Variants in DAAM2 observed in about 807,000 individuals in gnomAD.
DAAM2 encodes disheveled-associated activator of morphogenesis 2.
A neutral mutation model predicts 120.7 loss-of-function variants in DAAM2; 39 were observed. The observed-to-expected ratio is 0.32, with a 90% CI of 0.25 to 0.42. The LOEUF is 0.42. DAAM2 is among the 10% of genes least tolerant of loss of function. The pLI is 1.00. For missense variants in DAAM2, 1,283 were observed against 1,401.7 expected, an observed-to-expected ratio of 0.92 and a Z score of 1.35; for synonymous variants, 488 against 524.9, an observed-to-expected ratio of 0.93 and a Z score of 0.96.
At position 39,904,754 on chromosome 6, in the gene DAAM2, T is replaced by C. The variant is rs1766727275; in HGVS notation, c.*2717T>C. ...GCCAAGGCTGTTCTCACCAGCTGCC[T>C]CAGATGACAAATGAGGCTAATGGAC... On this transcript the variant is annotated 3_prime_UTR_variant, in exon 25 of 25. Coordinates refer to ENST00000274867, the MANE Select transcript of DAAM2 (RefSeq NM_001201427.2). The C allele has an allele frequency of 4.4e-6, 2 of 454,006 alleles. No individual in the cohort carries two copies. Among genetic ancestry groups the C allele is most frequent in the South Asian group, 1.6e-5 (1 of 64,474 alleles). The allele number at this position is 454,006 out of a possible 1,614,324, so 28.1% of individuals were successfully genotyped here.
intron 15 of DAAM2, chr6:39,884,996 T>TG (rs1562053306): frequency 3.9e-5 from 6 of 152,012 alleles, no homozygotes; most frequent in Non-Finnish European, 8.8e-5. Flanking sequence ...GACTTCTCCC[T>TG]CTTGGGGCTG....
intron 1 of DAAM2, among the ~76,000 whole-genome samples, chr6:39,854,337 G>T (rs1003829380): frequency 2.0e-5 from 3 of 152,168 alleles, no homozygotes; most frequent in African/African-American, 7.2e-5. Context: ...GGCTTTTATT[G>T]GCTATAGAAA....
chr6:39,888,813 C>A (rs556078171), intron 17 of DAAM2, 50 bp downstream of exon 17: 2 of 1,458,228 alleles, frequency 1.4e-6, no homozygotes, highest in South Asian at 2.4e-5. Flanking sequence ...CGGGCAGCCA[C>A]GCCCCTTCCC....
At position 39,878,954 on chromosome 6, in the gene DAAM2, G is replaced by A. The variant is rs954119964; in HGVS notation, c.1546-224G>A. On this transcript the variant is annotated intron_variant, in intron 13 of 24. Transcript: ENST00000274867. This position sits in a 1 kb window ranked among gnomAD's most constrained non-coding sequence, Gnocchi z 5.0. ...CTATGACTCTGATTGTCCAGTGTCC[G>A]TGTGCGTGACGTGTGTGTGTCTGTG... 1.3e-5 allele frequency among the ~76,000 whole-genome samples: 2 copies of A among 152,064 alleles called. No homozygotes were observed. The highest frequency in any genetic ancestry group is 1.9e-4 in the East Asian group (1 of 5,198).
intron 1 of DAAM2, among the ~76,000 whole-genome samples, chr6:39,816,840 G>A (rs913574): frequency 0.54 from 81,879 of 152,084 alleles, 22,216 homozygotes; most frequent in East Asian, 0.62. Context: ...TTCCAGTACC[G>A]TCTCTAGTCC....
intron 1 of DAAM2, among the ~76,000 whole-genome samples, chr6:39,835,114 A>AT (rs1487815997): frequency 3.3e-5 from 5 of 152,166 alleles, no homozygotes; most frequent in Non-Finnish European, 7.3e-5. Flanking sequence ...TCAGGAATGT[A>AT]TTTTGTTCAT....
At chr6:39,883,658 T>C in intron 14 of DAAM2, 1 of 306,024 alleles carries the variant, frequency 3.3e-6, no homozygotes, top group Non-Finnish European at 6.1e-6. Flanking sequence ...TTGGAAAAAG[T>C]GAAGTGGACC....
chr6:39,874,672 T>C (rs1161403783), intron 10 of DAAM2, among the ~76,000 whole-genome samples: 1 of 152,090 alleles, frequency 6.6e-6, no homozygotes, highest in African/African-American at 2.4e-5. Context: ...GGAAAGAGAG[T>C]TTGTGGTTAT....
At chr6:39,877,790 G>T (rs1764930468) in intron 11 of DAAM2, among the ~76,000 whole-genome samples, 1 of 152,180 alleles carries the variant, frequency 6.6e-6, no homozygotes, top group Admixed American at 6.5e-5. Context: ...TGGAAACCTG[G>T]ACCATGGTAG....
At chr6:39,808,708 C>T (rs1379801659) in intron 1 of DAAM2, among the ~76,000 whole-genome samples, 1 of 152,222 alleles carries the variant, frequency 6.6e-6, no homozygotes, top group African/African-American at 2.4e-5. Context: ...TGTGTTGGCC[C>T]TGAGGGCCCT....
In DAAM2 at chr6:39,867,836, G is replaced by A. The variant is rs773713153; in HGVS notation, c.755G>A (p.Arg252His). Residue 252 changes from arginine (R) to histidine (H), a missense_variant, in exon 6 of 25, where the codon CGC (arginine) becomes CAC (histidine). Arg to His is a conservative substitution (Grantham distance 29). Coordinates refer to ENST00000274867, the MANE Select transcript of DAAM2 (RefSeq NM_001201427.2). Reference protein sequence around the residue: ...HYQVYAAERTRFQTLLNELDR... With the variant: ...HYQVYAAERTHFQTLLNELDR... ...CAGGTGTATGCAGCAGAGCGAACCC[G>A]CTTCCAGGTGAGGGGCCAGGCTGGA... The A allele has an allele frequency of 3.8e-6, 6 of 1,580,116 alleles. No homozygotes were observed. The highest frequency in any genetic ancestry group is 1.1e-5 in the South Asian group (1 of 87,814).
intron 21 of DAAM2, 118 bp downstream of exon 21, chr6:39,897,400 T>C: frequency 1.5e-6 from 1 of 653,750 alleles, no homozygotes; most frequent in Non-Finnish European, 2.7e-6. Flanking sequence ...TCGGTTCTTG[T>C]CTTCTGAGTT....
At chr6:39,873,792 A>G (rs1480943294) in intron 10 of DAAM2, among the ~76,000 whole-genome samples, 2 of 151,890 alleles carry the variant, frequency 1.3e-5, no homozygotes, top group African/African-American at 4.8e-5. Flanking sequence ...GTTGGCTTCC[A>G]CTCTTGCACT....
intron 15 of DAAM2, chr6:39,886,597 A>G: frequency 2.5e-6 from 1 of 397,060 alleles, no homozygotes; most frequent in Non-Finnish European, 4.4e-6. Context: ...GGGCCCCCAA[A>G]GAGAAAGAAG....
intron 1 of DAAM2, among the ~76,000 whole-genome samples, chr6:39,846,588 T>C (rs1763599337): frequency 1.3e-5 from 2 of 152,150 alleles, no homozygotes; most frequent in Admixed American, 6.5e-5. Context: ...CTCTAAACCA[T>C]GTTTATGAGC....
chr6:39,832,532 G>T (rs1015162975), intron 1 of DAAM2, among the ~76,000 whole-genome samples: 4 of 152,130 alleles, frequency 2.6e-5, no homozygotes, highest in Non-Finnish European at 5.9e-5. Flanking sequence ...AAAAGTAATT[G>T]ATTCTTATAA....
At chr6:39,887,839 C>T (rs748024627) in intron 16 of DAAM2, 14 of 461,780 alleles carry the variant, frequency 3.0e-5, no homozygotes, top group South Asian at 4.4e-5. Context: ...TCTAAGCCCA[C>T]GGAGGGCCTC....
intron 1 of DAAM2, among the ~76,000 whole-genome samples, chr6:39,817,189 C>T (rs1477651713): frequency 6.6e-6 from 1 of 152,126 alleles, no homozygotes; most frequent in Non-Finnish European, 1.5e-5. Flanking sequence ...GGAGGAAGGG[C>T]CATGTGCCTG....
intron 9 of DAAM2, among the ~76,000 whole-genome samples, chr6:39,871,983 AAAG>A (rs1245621191): frequency 6.6e-6 from 1 of 152,168 alleles, no homozygotes; most frequent in Non-Finnish European, 1.5e-5. Flanking sequence ...AAGGGCAGGA[AAAG>A]AAGGATGTCC....
Sources: allele counts gnomAD v4.1 joint callset (sites outside exome capture counted in the v4.1 genomes callset), GRCh38; gene constraint gnomAD v4.1.1; non-coding constraint Gnocchi (gnomAD v3.1); transcripts MANE v1.5; gene names NCBI Gene and HGNC (gene_info 2026-07-23, HGNC 2026-07-21).